ATXN3: variants seen among roughly 807,000 people sequenced by gnomAD.
ATXN3 encodes ataxin-3.
A neutral mutation model predicts 58.2 loss-of-function variants in ATXN3; 28 were observed. That is an observed-to-expected ratio of 0.48 (90% CI 0.36 to 0.66). ATXN3 has a LOEUF of 0.66. Among genes scored for constraint, ATXN3 ranks in the 30% least tolerant of loss-of-function variants. The pLI is 0.00. For synonymous variants in ATXN3, 113 were observed against 138.5 expected, an observed-to-expected ratio of 0.82 and a Z score of 1.29; for missense variants, 321 against 422.1, an observed-to-expected ratio of 0.76 and a Z score of 2.10.
intron 10 of ATXN3, among the ~76,000 whole-genome samples, chr14:92,065,263 C>G (rs2058185719): frequency 1.3e-5 from 2 of 152,190 alleles, no homozygotes; most frequent in African/African-American, 4.8e-5. Context: ...TGAGATCCAG[C>G]CACGGTGCTG....
intron 9 of ATXN3, among the ~76,000 whole-genome samples, chr14:92,075,424 C>T (rs7151555): frequency 0.29 from 43,724 of 151,876 alleles, 6,685 homozygotes; most frequent in East Asian, 0.44. Context: ...GCCTTGGCCT[C>T]CGAAAGTGCT....
In ATXN3 at chr14:92,068,591, G is replaced by T. The variant is rs146668789; in HGVS notation, c.991+2344C>A. On this transcript the variant is annotated intron_variant, in intron 10 of 10. Transcript: ENST00000644486. Reference sequence around the variant, plus strand: ...TCTGCCTTTGAGATTCAGCTGAATGGTTTTTTTTTTCTTTTTGAGACAGAG... The same window carrying T: ...TCTGCCTTTGAGATTCAGCTGAATGTTTTTTTTTTTCTTTTTGAGACAGAG... Among the ~76,000 whole-genome samples, 6 of 149,928 alleles carry T rather than the reference G, an allele frequency of 4.0e-5. No homozygotes were observed. In the East Asian group the frequency reaches 1.2e-3, roughly 29 times the overall value.
At chr14:92,070,817 G>A in intron 10 of ATXN3, 118 bp downstream of exon 10, 1 of 1,559,542 alleles carries the variant, frequency 6.4e-7, no homozygotes. Flanking sequence ...ATTTACTTAA[G>A]ATTCTTAATA....
upstream of ATXN3, among the ~76,000 whole-genome samples, chr14:92,050,184 T>G (rs2057443419): frequency 6.6e-6 from 1 of 151,948 alleles, no homozygotes; most frequent in Admixed American, 6.6e-5. Flanking sequence ...TCTGTGTGTT[T>G]GTATGTGTGT....
rs2057919809 is a variant in ATXN3 at position 92,063,448 on chromosome 14, T to C, written c.*872A>G. The C allele has an allele frequency of 6.6e-6, 1 of 152,206 alleles. No individual in the cohort carries two copies. The highest frequency in any genetic ancestry group is 1.5e-5 in the Non-Finnish European group (1 of 68,040). The allele number at this position is 152,206 out of a possible 1,614,324, so 9.4% of individuals were successfully genotyped here. A position where few individuals can be genotyped will look rare whatever the true frequency, so the allele number is the denominator to read the frequency against. Reference sequence around the variant, plus strand: ...AAGGAGACTTGCCTGCATACTATGCTTCTCCTAGTTTTCTCAATTGGAGAA... The same window carrying C: ...AAGGAGACTTGCCTGCATACTATGCCTCTCCTAGTTTTCTCAATTGGAGAA... On this transcript the variant is annotated 3_prime_UTR_variant, in exon 11 of 11. Transcript: ENST00000644486.
intron 2 of ATXN3, chr14:92,046,308 A>C (rs1193121475): frequency 6.6e-6 from 1 of 152,330 alleles, no homozygotes; most frequent in Non-Finnish European, 1.5e-5. Context: ...GCCAGGTGGA[A>C]CTGCCATCAA....
chr14:92,047,534 G>A (rs1431435885), intron 2 of ATXN3, among the ~76,000 whole-genome samples: 1 of 152,094 alleles, frequency 6.6e-6, no homozygotes, highest in East Asian at 1.9e-4. Flanking sequence ...GGGAGGGAGT[G>A]GAGGTGTCCC....
intron 5 of ATXN3, among the ~76,000 whole-genome samples, chr14:92,091,205 C>T (rs982414531): frequency 6.6e-6 from 1 of 152,092 alleles, no homozygotes; most frequent in Non-Finnish European, 1.5e-5. Context: ...AACCCCAGCA[C>T]TTTGAGAGGC....
In ATXN3 at chr14:92,067,500, G is replaced by C. The variant is rs183875010; in HGVS notation, c.992-3086C>G. ...CAACCTCCGTCTCCCAGGTTCCAGT[G>C]ATTTTCCTGCCTTAGCCTTCCCAGT... On this transcript the variant is annotated intron_variant, in intron 10 of 10. Transcript: ENST00000644486. Among the ~76,000 whole-genome samples the C allele has an allele frequency of 3.9e-4, 60 of 152,258 alleles. 1 individual carries two copies. The East Asian group carries it at 0.011, about 28-fold the overall frequency.
intron 1 of ATXN3, 149 bp downstream of exon 1, chr14:92,106,380 G>A (rs2068399223): frequency 2.0e-6 from 2 of 981,544 alleles, no homozygotes; most frequent in South Asian, 1.5e-5. Context: ...TCGAGCCGAG[G>A]AGGCGGGAGG....
intron 1 of ATXN3, among the ~76,000 whole-genome samples, chr14:92,102,395 G>A (rs1242475589): frequency 4.6e-5 from 7 of 152,094 alleles, no homozygotes; most frequent in Non-Finnish European, 2.9e-5. Context: ...GTTCTACAAA[G>A]ATAATGTATA....
At chr14:92,065,028 G>A (rs2058130556) in intron 10 of ATXN3, among the ~76,000 whole-genome samples, 1 of 152,150 alleles carries the variant, frequency 6.6e-6, no homozygotes, top group Admixed American at 6.5e-5. Flanking sequence ...GTGTATTCAT[G>A]TAACCACCAC....
intron 1 of ATXN3, among the ~76,000 whole-genome samples, chr14:92,099,044 T>C (rs1232313018): frequency 1.3e-5 from 2 of 152,234 alleles, no homozygotes; most frequent in Non-Finnish European, 2.9e-5. Flanking sequence ...GAATCACAGA[T>C]GGATGGATCC....
chr14:92,084,568 T>C (rs1201023140), intron 6 of ATXN3, among the ~76,000 whole-genome samples: 5 of 138,296 alleles, frequency 3.6e-5, no homozygotes, highest in Admixed American at 2.9e-4. Context: ...AGTTTCTCTA[T>C]CATTAATTTT....
intron 6 of ATXN3, among the ~76,000 whole-genome samples, chr14:92,086,757 GATTTTT>G (rs1258633123): frequency 2.7e-5 from 4 of 150,014 alleles, no homozygotes; most frequent in Non-Finnish European, 5.9e-5. Context: ...ATTAAGAGAG[GATTTTT>G]ATTTTTAATC....
chr14:92,058,595 A>G lies in ATXN3; in HGVS notation c.*5725T>C, dbSNP rs1296798349. On this transcript the variant is annotated 3_prime_UTR_variant, in exon 11 of 11. Transcript: ENST00000644486. ...CTTTATTTAATAATCTTTGATATTT[A>G]AAATACAACTCATTGAACATCCACA... The G allele has an allele frequency of 6.6e-6, 1 of 152,234 alleles. No individual in the cohort carries two copies. The highest frequency in any genetic ancestry group is 2.4e-5 in the African/African-American group (1 of 41,458). The allele number at this position is 152,234 out of a possible 1,614,324, so 9.4% of individuals were successfully genotyped here.
intron 5 of ATXN3, among the ~76,000 whole-genome samples, chr14:92,091,539 A>G (rs1319648757): frequency 9.2e-5 from 14 of 152,196 alleles, no homozygotes; most frequent in Admixed American, 8.5e-4. Flanking sequence ...GACTTAAAAG[A>G]TAACAATAGG....
intron 10 of ATXN3, 62 bp from the exon 11 acceptor site, chr14:92,064,476 G>T: frequency 8.1e-7 from 1 of 1,227,984 alleles, no homozygotes; most frequent in Non-Finnish European, 1.2e-6. Flanking sequence ...GTCATCAAAA[G>T]GCAAGTTCTC....
chr14:92,070,668 T>A, intron 10 of ATXN3: 2 of 868,858 alleles, frequency 2.3e-6, no homozygotes, highest in Non-Finnish European at 3.4e-6. Flanking sequence ...AAAGTATTCA[T>A]TAAATGTTCT....
Sources: gnomAD v4.1 joint callset for allele counts (sites outside exome capture counted in the v4.1 genomes callset) on GRCh38, gnomAD v4.1.1 for gene constraint, MANE v1.5 for transcripts, NCBI Gene and HGNC (gene_info 2026-07-23, HGNC 2026-07-21) for gene names.